Variants in MTA3 observed in about 807,000 individuals in gnomAD.
MTA3 encodes the protein metastasis associated 1 family member 3.
MTA3 carries 34 observed loss-of-function variants against 83.5 expected under a neutral mutation model. That is an observed-to-expected ratio of 0.41 (90% CI 0.31 to 0.54). The LOEUF (loss-of-function observed/expected upper bound fraction) is 0.54. Ranked by LOEUF, MTA3 falls within the 20% of genes least tolerant of loss-of-function variation. MTA3 has a pLI of 0.33. For missense variants in MTA3, 761 were observed against 726.4 expected, an observed-to-expected ratio of 1.05 and a Z score of -0.55; for synonymous variants, 303 against 252.7, an observed-to-expected ratio of 1.20 and a Z score of -1.89.
intron 2 of MTA3, among the ~76,000 whole-genome samples, chr2:42,497,129 C>G (rs376162796): frequency 5.3e-5 from 8 of 151,788 alleles, no homozygotes; most frequent in African/African-American, 1.5e-4. Flanking sequence ...TCGCTTGAAC[C>G]TGGGAGGCAG....
intron 3 of MTA3, among the ~76,000 whole-genome samples, chr2:42,587,192 CA>C (rs550495957): frequency 4.8e-5 from 7 of 144,878 alleles, no homozygotes; most frequent in East Asian, 2.0e-4. Context: ...GACTCTGTCT[CA>C]AAAAAAAAAG....
intron 9 of MTA3, among the ~76,000 whole-genome samples, chr2:42,692,442 T>TTTTTTA (rs1692984366): frequency 6.6e-6 from 1 of 151,850 alleles, no homozygotes; most frequent in African/African-American, 2.4e-5. Flanking sequence ...TTTTTTCTTT[T>TTTTTTA]GAGACAGAGT....
chr2:42,648,525 A>G (rs1245881893), intron 6 of MTA3, among the ~76,000 whole-genome samples: 1 of 152,202 alleles, frequency 6.6e-6, no homozygotes, highest in East Asian at 1.9e-4. Context: ...TGGATAGGAT[A>G]CTGAGAGATT....
chr2:42,590,613 CTTTT>C (rs746232027), intron 3 of MTA3, among the ~76,000 whole-genome samples: 1 of 115,678 alleles, frequency 8.6e-6, no homozygotes, highest in Non-Finnish European at 1.7e-5. Flanking sequence ...TTCATGTTTG[CTTTT>C]TTTTTTTTTT....
chr2:42,686,838 G>A (rs1692414891), intron 9 of MTA3, among the ~76,000 whole-genome samples: 2 of 147,962 alleles, frequency 1.4e-5, no homozygotes, highest in Admixed American at 6.8e-5. Flanking sequence ...AAAAAAAAGG[G>A]CTGGGCATTG....
At chr2:42,588,216 C>T (rs1401168092) in intron 3 of MTA3, among the ~76,000 whole-genome samples, 1 of 152,098 alleles carries the variant, frequency 6.6e-6, no homozygotes, top group Non-Finnish European at 1.5e-5. Context: ...CATTCTGTTC[C>T]TCATGTTTGA....
At chr2:42,617,147 G>T (rs1308331156) in intron 4 of MTA3, among the ~76,000 whole-genome samples, 2 of 152,192 alleles carry the variant, frequency 1.3e-5, no homozygotes, top group Admixed American at 1.3e-4. Flanking sequence ...TTATTTAGGA[G>T]AGAGAATACT....
At chr2:42,647,847 C>G (rs1307382231) in intron 6 of MTA3, among the ~76,000 whole-genome samples, 1 of 151,898 alleles carries the variant, frequency 6.6e-6, no homozygotes, top group African/African-American at 2.4e-5. Flanking sequence ...AAGAACTCTT[C>G]TTTTTTTTGA....
chr2:42,745,578 G>T (rs1356342235), intron 16 of MTA3, among the ~76,000 whole-genome samples: 4 of 151,992 alleles, frequency 2.6e-5, no homozygotes, highest in Non-Finnish European at 5.9e-5. Flanking sequence ...GGGGCAGGGG[G>T]TCTTGCTATG....
intron 2 of MTA3, among the ~76,000 whole-genome samples, chr2:42,520,921 C>G (rs952181187): frequency 3.9e-5 from 6 of 152,176 alleles, no homozygotes; most frequent in African/African-American, 1.2e-4. Flanking sequence ...CTGCTGACCT[C>G]AAGTTCTCGA....
chr2:42,636,561 CAAAAG>C (rs1207609019), intron 4 of MTA3, among the ~76,000 whole-genome samples: 2 of 150,788 alleles, frequency 1.3e-5, no homozygotes, highest in Admixed American at 6.6e-5. Flanking sequence ...CAAAACAAAA[CAAAAG>C]AAGAAAGTCT....
At chr2:42,704,568 T>G (rs1665901735) in intron 12 of MTA3, among the ~76,000 whole-genome samples, 1 of 152,236 alleles carries the variant, frequency 6.6e-6, no homozygotes, top group Non-Finnish European at 1.5e-5. Context: ...GTTTGTTGAT[T>G]ATTTCATAGC....
At chr2:42,660,334 G>A (rs549545204) in intron 8 of MTA3, among the ~76,000 whole-genome samples, 29 of 152,302 alleles carry the variant, frequency 1.9e-4, no homozygotes, top group Middle Eastern at 3.4e-3. Context: ...TGATCCACCC[G>A]CCTCGGCCTT....
rs34030475 is a variant in MTA3 at position 42,527,052 on chromosome 2, CAAAAA to C, written c.-141+31819_-141+31823del. Among the ~76,000 whole-genome samples, 4 of 45,332 alleles carry C rather than the reference CAAAAA, an allele frequency of 8.8e-5. No homozygotes were observed. The South Asian group carries it at 4.4e-3, about 50-fold the overall frequency. 29.7% of individuals were successfully genotyped at this position (45,332 alleles called of 152,430 possible). ...CTGATAACAAAGCAAGACTCTGTCTCAAAAAAAAAAAAAAAAAAAAAAAAAGAGCC... is the reference window on the plus strand; with the variant it reads ...CTGATAACAAAGCAAGACTCTGTCTCAAAAAAAAAAAAAAAAAAAAGAGCC... On this transcript the variant is annotated intron_variant, in intron 2 of 17. Transcript: ENST00000405592.
At chr2:42,644,004 C>G (rs2272448) in intron 5 of MTA3, 123 bp from the exon 6 acceptor site, 199,945 of 533,344 alleles carry the variant, frequency 0.37, 38,752 homozygotes, top group East Asian at 0.46. Flanking sequence ...TGAGTTTATT[C>G]ACCAAAATGA....
intron 2 of MTA3, among the ~76,000 whole-genome samples, chr2:42,533,759 G>C (rs1438250731): frequency 6.8e-6 from 1 of 147,550 alleles, no homozygotes; most frequent in Non-Finnish European, 1.5e-5. Context: ...TTGAACCCAA[G>C]AGGCCGAGGG....
chr2:42,598,839 C>T (rs1243849152), intron 3 of MTA3, among the ~76,000 whole-genome samples: 2 of 152,072 alleles, frequency 1.3e-5, no homozygotes, highest in African/African-American at 4.8e-5. Flanking sequence ...TTTGACTGGG[C>T]CCCCTGGAGG....
intron 8 of MTA3, among the ~76,000 whole-genome samples, chr2:42,672,774 A>G (rs1030916715): frequency 6.8e-6 from 1 of 147,582 alleles, no homozygotes; most frequent in African/African-American, 2.5e-5. Context: ...TTGTTGGATG[A>G]GGGGTTTTGT....
chr2:42,570,738 C>T (rs1039035930), intron 2 of MTA3, among the ~76,000 whole-genome samples: 4 of 151,568 alleles, frequency 2.6e-5, no homozygotes, highest in African/African-American at 7.3e-5. Flanking sequence ...TGGCTGGGTG[C>T]GGTGGCTCAT....
Sources: gnomAD v4.1 joint callset for allele counts (sites outside exome capture counted in the v4.1 genomes callset) on GRCh38, gnomAD v4.1.1 for gene constraint, MANE v1.5 for transcripts, NCBI Gene and HGNC (gene_info 2026-07-23, HGNC 2026-07-21) for gene names.